EIF4G3: variants seen among roughly 807,000 people sequenced by gnomAD.
EIF4G3 encodes the protein eIF-4-gamma 3.
A neutral mutation model predicts 186.4 loss-of-function variants in EIF4G3; 34 were observed. The ratio of observed to expected loss-of-function variants is 0.18; its 90% CI spans 0.14 to 0.24. EIF4G3 has a LOEUF of 0.24. Among genes scored for constraint, EIF4G3 ranks in the 10% least tolerant of loss-of-function variants. The probability of loss-of-function intolerance (pLI) is 1.00; values close to 1 mark genes in which losing one functional copy is unlikely to be tolerated. For missense variants in EIF4G3, 1,536 were observed against 1,948.5 expected (o/e 0.79, Z 3.99); for synonymous variants, 673 against 679.5 (o/e 0.99, Z 0.15).
chr1:21,025,031 G>A (rs1447178894), intron 4 of EIF4G3, among the ~76,000 whole-genome samples: 1 of 152,184 alleles, frequency 6.6e-6, no homozygotes, highest in Non-Finnish European at 1.5e-5. Context: ...AACAGTGATA[G>A]ATGGTGAGCT....
chr1:20,915,034 G>A (rs902028039), intron 14 of EIF4G3, among the ~76,000 whole-genome samples: 25 of 152,052 alleles, frequency 1.6e-4, no homozygotes, highest in Admixed American at 3.9e-4. Context: ...TCTACTTTTT[G>A]AATATGTGAA....
intron 7 of EIF4G3, among the ~76,000 whole-genome samples, chr1:20,989,840 T>C (rs2080651059): frequency 6.6e-6 from 1 of 152,202 alleles, no homozygotes; most frequent in East Asian, 1.9e-4. Context: ...CGTAAAATGC[T>C]GTTAAACAGC....
intron 27 of EIF4G3, among the ~76,000 whole-genome samples, chr1:20,852,933 A>C (rs889978563): frequency 1.3e-5 from 2 of 152,200 alleles, no homozygotes; most frequent in African/African-American, 4.8e-5. Flanking sequence ...CCAGGAGTTC[A>C]ATGCCAGCCT....
chr1:21,027,136 A>T (rs2092233650), intron 4 of EIF4G3, among the ~76,000 whole-genome samples: 1 of 151,968 alleles, frequency 6.6e-6, no homozygotes, highest in Admixed American at 6.6e-5. Context: ...ATATTGGTAT[A>T]TATCACCTCC....
intron 7 of EIF4G3, among the ~76,000 whole-genome samples, chr1:20,983,648 T>C (rs143793289): frequency 1.3e-5 from 2 of 152,186 alleles, no homozygotes; most frequent in African/African-American, 4.8e-5. Context: ...TTACTGGGCA[T>C]TGCTAAATAA....
At chr1:20,890,540 C>CT (rs2085657985) in intron 18 of EIF4G3, among the ~76,000 whole-genome samples, 1 of 152,162 alleles carries the variant, frequency 6.6e-6, no homozygotes, top group Non-Finnish European at 1.5e-5. Flanking sequence ...TCTCCAACCT[C>CT]TGTTTCCCAG....
chr1:21,032,607 A>T (rs958407749), intron 4 of EIF4G3, among the ~76,000 whole-genome samples: 2 of 152,046 alleles, frequency 1.3e-5, no homozygotes, highest in Non-Finnish European at 2.9e-5. Context: ...ACTGGGCAAA[A>T]CCAGACTTTT....
At chr1:20,972,896 A>AG in intron 11 of EIF4G3, 106 bp downstream of exon 11, 1 of 839,026 alleles carries the variant, frequency 1.2e-6, no homozygotes, top group Non-Finnish European at 1.8e-6. Flanking sequence ...AAAAAAAAAA[A>AG]GGCACAGTAA....
chr1:21,092,128 T>G (rs545247862), intron 2 of EIF4G3, among the ~76,000 whole-genome samples: 1 of 152,288 alleles, frequency 6.6e-6, no homozygotes, highest in Non-Finnish European at 1.5e-5. Flanking sequence ...GGCTGTGGGT[T>G]TGTCATAAAT....
At chr1:21,007,541 A>T (rs1330761929) in intron 4 of EIF4G3, among the ~76,000 whole-genome samples, 1 of 119,140 alleles carries the variant, frequency 8.4e-6, no homozygotes, top group African/African-American at 3.3e-5. Context: ...AAAAAAACAC[A>T]CTCAAAAACA....
At chr1:20,898,965 G>C (rs904848978) in intron 16 of EIF4G3, among the ~76,000 whole-genome samples, 2 of 152,098 alleles carry the variant, frequency 1.3e-5, no homozygotes, top group South Asian at 4.1e-4. Context: ...CCCAACCTCA[G>C]GTGATCCGCC....
At chr1:20,817,577 TA>T in intron 33 of EIF4G3, 39 bp from the exon 34 acceptor site, 4 of 1,339,482 alleles carry the variant, frequency 3.0e-6, no homozygotes, top group Non-Finnish European at 3.0e-6. Flanking sequence ...TATATTAATA[TA>T]ATTCTATGTT....
At chr1:20,968,087 C>T (rs2075089856) in intron 12 of EIF4G3, among the ~76,000 whole-genome samples, 1 of 152,038 alleles carries the variant, frequency 6.6e-6, no homozygotes, top group Admixed American at 6.6e-5. Context: ...ATTGGCTTCA[C>T]TTTAGATAAT....
intron 8 of EIF4G3, among the ~76,000 whole-genome samples, chr1:20,981,648 TA>T (rs1558552050): frequency 7.8e-6 from 1 of 127,680 alleles, no homozygotes; most frequent in African/African-American, 2.9e-5. Flanking sequence ...ATACTGTATG[TA>T]TACATACATG....
At chr1:20,900,535 A>AG (rs1479215420) in intron 15 of EIF4G3, among the ~76,000 whole-genome samples, 33 of 150,586 alleles carry the variant, frequency 2.2e-4, no homozygotes, top group Non-Finnish European at 4.1e-4. Context: ...AGAGAGAGAG[A>AG]GAAAAAAAAA....
intron 7 of EIF4G3, among the ~76,000 whole-genome samples, chr1:20,996,560 T>C (rs2082323158): frequency 1.3e-5 from 2 of 152,164 alleles, no homozygotes; most frequent in African/African-American, 4.8e-5. Context: ...AGCCTTCAAC[T>C]AAACAATATC....
At position 20,997,361 on chromosome 1, in the gene EIF4G3, G is replaced by A. The variant is rs562118194; in HGVS notation, c.177+240C>T. ...AAAATTTAAAAACAATGCTTGGCAA[G>A]AAAAAAAAAACTGTAGCATTTTTTA... On this transcript the variant is annotated intron_variant, in intron 7 of 36. Coordinates refer to ENST00000602326, the MANE Select transcript of EIF4G3 (RefSeq NM_001391906.1). 6.7e-5 allele frequency among the ~76,000 whole-genome samples: 10 copies of A among 149,402 alleles called. No individual in the cohort carries two copies. The East Asian group carries it at 9.8e-4, about 15-fold the overall frequency.
At chr1:21,126,887 A>T (rs926356500) in intron 2 of EIF4G3, among the ~76,000 whole-genome samples, 4 of 152,160 alleles carry the variant, frequency 2.6e-5, no homozygotes, top group African/African-American at 9.7e-5. Flanking sequence ...TCCTCCCTGC[A>T]TACTTCAAAT....
chr1:21,040,340 C>T (rs1056481478), intron 4 of EIF4G3, among the ~76,000 whole-genome samples: 57 of 152,212 alleles, frequency 3.7e-4, no homozygotes, highest in African/African-American at 1.3e-3. Context: ...CAAGGAAGGG[C>T]AGAGAAGCTC....
Sources: gnomAD v4.1 joint callset for allele counts (sites outside exome capture counted in the v4.1 genomes callset) on GRCh38, gnomAD v4.1.1 for gene constraint, MANE v1.5 for transcripts, NCBI Gene and HGNC (gene_info 2026-07-23, HGNC 2026-07-21) for gene names.